PDE4A: variants seen among roughly 807,000 people sequenced by gnomAD.
PDE4A encodes the protein phosphodiesterase 4A.
Under a neutral mutation model 73.9 loss-of-function variants are expected in PDE4A, and 21 were observed. The observed-to-expected ratio is 0.28, with a 90% confidence interval of 0.20 to 0.41. PDE4A has a LOEUF of 0.41. PDE4A is among the 10% of genes least tolerant of loss of function. The probability of loss-of-function intolerance (pLI) is 1.00; values close to 1 mark genes in which losing one functional copy is unlikely to be tolerated. For synonymous variants in PDE4A, 463 were observed against 505.4 expected, an observed-to-expected ratio of 0.92 and a Z score of 1.13; for missense variants, 958 against 1,211.4, an observed-to-expected ratio of 0.79 and a Z score of 3.10.
intron 12 of PDE4A, 49 bp downstream of exon 12, chr19:10,461,729 G>A: frequency 1.2e-6 from 2 of 1,605,106 alleles, no homozygotes; most frequent in Non-Finnish European, 1.7e-6. Flanking sequence ...CCTAGGAGTC[G>A]AGGGCTTTGG....
chr19:10,432,361 G>A (rs907815823), intron 1 of PDE4A: 2 of 1,308,726 alleles, frequency 1.5e-6, no homozygotes, highest in African/African-American at 1.6e-5. Context: ...GACACCTTGG[G>A]CCTGGCCAGC....
chr19:10,455,016 C>T (rs1303543818), intron 7 of PDE4A, 94 bp downstream of exon 7: 7 of 1,207,866 alleles, frequency 5.8e-6, no homozygotes, highest in East Asian at 2.4e-5. Flanking sequence ...CACATCTTCC[C>T]AGGGACTCTG....
chr19:10,425,649 G>C (rs1424045972), intron 1 of PDE4A, among the ~76,000 whole-genome samples: 3 of 152,186 alleles, frequency 2.0e-5, no homozygotes, highest in Non-Finnish European at 4.4e-5. Flanking sequence ...GAACAGAATT[G>C]TGAGGGCATC....
At chr19:10,459,070 C>A in intron 8 of PDE4A, 2 of 331,434 alleles carry the variant, frequency 6.0e-6, no homozygotes, top group Non-Finnish European at 1.2e-5. Flanking sequence ...TGCTGGGTTC[C>A]TATCCTAGCT....
At position 10,420,951 on chromosome 19, in the gene PDE4A, C is replaced by G. The variant is rs1348613533; in HGVS notation, c.187C>G (p.Arg63Gly). Reference protein sequence around the residue: ...ERAERERQPHRPIERADAMDT... With the variant: ...ERAERERQPHGPIERADAMDT... ...CGCCGAGCGGGAGCGGCAGCCGCAC[C>G]GGCCCATAGAGCGCGCCGATGCCAT... The change falls in exon 1 of 15, where the codon CGG (arginine) becomes GGG (glycine). Residue 63 changes from arginine to glycine, a missense_variant. Arg to Gly is a moderately radical substitution (Grantham distance 125). Around this residue, in one of 3 missense-constraint regions of PDE4A, gnomAD observed 145 missense variants for 137.8 expected, o/e 1.05. Transcript: ENST00000380702. The surrounding 1 kb of genome is among the most constrained non-coding windows in gnomAD (Gnocchi z 6.0). 5.1e-6 allele frequency: 8 copies of G among 1,560,946 alleles called. No homozygotes were observed. In the African/African-American group the frequency reaches 8.2e-5, roughly 16 times the overall value.
intron 1 of PDE4A, chr19:10,430,959 C>G (rs1165802041): frequency 6.5e-7 from 1 of 1,536,054 alleles, no homozygotes. Context: ...CCCGCGCGCG[C>G]CCCGCCGCCC....
intron 1 of PDE4A, among the ~76,000 whole-genome samples, chr19:10,437,961 T>C (rs2042887248): frequency 6.7e-6 from 1 of 148,934 alleles, no homozygotes. Context: ...CACACCATCA[T>C]CATGCCTTGC....
chr19:10,426,515 C>T (rs1028533193), intron 1 of PDE4A, among the ~76,000 whole-genome samples: 3 of 152,108 alleles, frequency 2.0e-5, no homozygotes, highest in Admixed American at 1.3e-4. Context: ...AGATTGCACA[C>T]CCTTGCCATA....
intron 2 of PDE4A, among the ~76,000 whole-genome samples, chr19:10,446,861 T>C (rs1172655590): frequency 2.6e-5 from 4 of 152,056 alleles, no homozygotes; most frequent in Non-Finnish European, 4.4e-5. Flanking sequence ...CCCAGAGTGC[T>C]GGGATTACAG....
intron 4 of PDE4A, 117 bp downstream of exon 4, chr19:10,449,267 A>G: frequency 9.4e-7 from 1 of 1,069,160 alleles, no homozygotes; most frequent in South Asian, 1.4e-5. Flanking sequence ...ACCTCTGTTC[A>G]GACAACAGCT....
chr19:10,428,210 A>G (rs141861895), intron 1 of PDE4A, among the ~76,000 whole-genome samples: 243 of 152,204 alleles, frequency 1.6e-3, no homozygotes, highest in Non-Finnish European at 3.0e-3. Context: ...AAAATTAGTC[A>G]GGCATGGTGG....
intron 6 of PDE4A, among the ~76,000 whole-genome samples, chr19:10,454,342 G>A (rs958022048): frequency 1.3e-5 from 2 of 152,226 alleles, no homozygotes; most frequent in African/African-American, 2.4e-5. Context: ...CCAGGATTGG[G>A]GTCCATGTCT....
chr19:10,432,433 C>G, intron 1 of PDE4A: 1 of 1,452,576 alleles, frequency 6.9e-7, no homozygotes, highest in Non-Finnish European at 9.1e-7. Flanking sequence ...CGCTTGGCTC[C>G]CATGCGCTCC....
At chr19:10,461,162 G>T in intron 11 of PDE4A, 59 bp downstream of exon 11, 1 of 1,583,072 alleles carries the variant, frequency 6.3e-7, no homozygotes, top group Admixed American at 1.7e-5. Flanking sequence ...TGGCCAGGCT[G>T]GGGGCGGAAC....
At chr19:10,435,503 G>A (rs1405787016) in intron 1 of PDE4A, among the ~76,000 whole-genome samples, 2 of 151,908 alleles carry the variant, frequency 1.3e-5, no homozygotes, top group African/African-American at 2.4e-5. Flanking sequence ...TGAGGCTGCA[G>A]TGAACCATGA....
rs2042638149 is a variant in PDE4A at position 10,420,716 on chromosome 19, T to A, written c.-49T>A. 1 of 1,443,536 alleles carries A rather than the reference T, an allele frequency of 6.9e-7. No individual in the cohort carries two copies. Among genetic ancestry groups the A allele is most frequent in the Admixed American group, 2.8e-5 (1 of 35,146 alleles). The allele number at this position is 1,443,536 out of a possible 1,614,324, so 89.4% of individuals were successfully genotyped here. A position where few individuals can be genotyped will look rare whatever the true frequency, so the allele number is the denominator to read the frequency against. On this transcript the variant is annotated 5_prime_UTR_variant, in exon 1 of 15. Transcript: ENST00000380702. The surrounding 1 kb of genome is among the most constrained non-coding windows in gnomAD (Gnocchi z 6.0). The stretch of plus-strand genomic sequence containing the variant: ...GGCTTGCGCGCAGCTGAGCGGGGTG[T>A]AGGTTGGAAGGGCCAGGGCCCCCTG...
chr19:10,442,210 G>C (rs1242152586), intron 1 of PDE4A, among the ~76,000 whole-genome samples: 1 of 152,000 alleles, frequency 6.6e-6, no homozygotes, highest in Non-Finnish European at 1.5e-5. Context: ...GACTTTACTG[G>C]AATGGTCTCT....
At chr19:10,438,559 A>T (rs2042896150) in intron 1 of PDE4A, among the ~76,000 whole-genome samples, 1 of 151,494 alleles carries the variant, frequency 6.6e-6, no homozygotes, top group South Asian at 2.1e-4. Context: ...CCTGTGCACT[A>T]TTTGTCTTTT....
At chr19:10,421,754 A>G (rs1282638432) in intron 1 of PDE4A, among the ~76,000 whole-genome samples, 2 of 152,288 alleles carry the variant, frequency 1.3e-5, no homozygotes, top group Non-Finnish European at 1.5e-5. Flanking sequence ...GTCCCAGCAC[A>G]GAGGGAAGGA....
Sources: allele counts gnomAD v4.1 joint callset (sites outside exome capture counted in the v4.1 genomes callset), GRCh38; gene constraint gnomAD v4.1.1; regional missense constraint gnomAD v4.1.1; non-coding constraint Gnocchi (gnomAD v3.1); transcripts MANE v1.5; gene names NCBI Gene and HGNC (gene_info 2026-07-23, HGNC 2026-07-21).